STAG2: variants seen among roughly 807,000 people sequenced by gnomAD.
The protein encoded by STAG2 is cohesin subunit SA-2.
A neutral mutation model predicts 108.1 loss-of-function variants in STAG2; 14 were observed. The observed-to-expected ratio is 0.13, with a 90% CI of 0.09 to 0.20. The LOEUF is 0.20. Among genes scored for constraint, STAG2 ranks in the 10% least tolerant of loss-of-function variants. STAG2 has a pLI of 1.00. For synonymous variants in STAG2, 307 were observed against 302.7 expected (o/e 1.01, Z -0.15); for missense variants, 440 against 940.9 (o/e 0.47, Z 6.96).
chrX:124,054,547 A>G (rs1392690402), intron 13 of STAG2, among the ~76,000 whole-genome samples: 3 of 112,110 alleles, frequency 2.7e-5, no homozygotes, highest in African/African-American at 9.7e-5. Flanking sequence ...AGTATGCTAC[A>G]TATATTTCTA....
intron 1 of STAG2, among the ~76,000 whole-genome samples, chrX:123,979,952 A>G (rs1166700329): frequency 8.9e-6 from 1 of 111,991 alleles, no homozygotes; most frequent in African/African-American, 3.2e-5. Flanking sequence ...TATTTTAAAA[A>G]TGCATTGTGC....
At chrX:124,088,615 CTTTTTT>C (rs35629422) in intron 30 of STAG2, among the ~76,000 whole-genome samples, 1 of 82,264 alleles carries the variant, frequency 1.2e-5, no homozygotes, top group East Asian at 4.0e-4. Flanking sequence ...TATGTATAAT[CTTTTTT>C]TTTTTTTTTT....
intron 3 of STAG2, among the ~76,000 whole-genome samples, chrX:124,025,277 A>G (rs939453996): frequency 1.2e-4 from 14 of 112,092 alleles, no homozygotes; most frequent in Non-Finnish European, 2.4e-4. Flanking sequence ...GATATTGATC[A>G]CTTAGCATAA....
intron 1 of STAG2, among the ~76,000 whole-genome samples, chrX:124,009,279 G>C (rs942740960): frequency 9.1e-6 from 1 of 110,045 alleles, no homozygotes; most frequent in Non-Finnish European, 1.9e-5. Context: ...AGTCATCTTA[G>C]AGCTCAGATT....
intron 30 of STAG2, among the ~76,000 whole-genome samples, chrX:124,088,161 G>A (rs977497055): frequency 1.8e-5 from 2 of 110,412 alleles, no homozygotes; most frequent in African/African-American, 6.6e-5. Flanking sequence ...GTGTGTGCTG[G>A]GCCATCAAAT....
intron 1 of STAG2, among the ~76,000 whole-genome samples, chrX:123,986,055 A>G (rs1347183091): frequency 2.8e-5 from 3 of 105,924 alleles, no homozygotes; most frequent in African/African-American, 1.0e-4. Flanking sequence ...TATATATATC[A>G]TATATATGTG....
At chrX:124,058,632 T>C (rs1168430354) in intron 15 of STAG2, among the ~76,000 whole-genome samples, 1 of 112,326 alleles carries the variant, frequency 8.9e-6, no homozygotes, top group Admixed American at 9.4e-5. Context: ...GGGTAATAAA[T>C]TCTTAGTTAA....
At chrX:124,080,316 T>C (rs2058923561) in intron 27 of STAG2, among the ~76,000 whole-genome samples, 1 of 111,379 alleles carries the variant, frequency 9.0e-6, no homozygotes, top group South Asian at 3.8e-4. Flanking sequence ...TGTTCTCTGC[T>C]TCTATGAGTG....
chrX:124,016,030 G>T (rs1165910108), intron 1 of STAG2, among the ~76,000 whole-genome samples: 1 of 112,098 alleles, frequency 8.9e-6, no homozygotes, highest in Non-Finnish European at 1.9e-5. Context: ...GTAATTTTAT[G>T]ATAGAACTCA....
At chrX:124,003,247 G>A (rs1285872829) in intron 1 of STAG2, among the ~76,000 whole-genome samples, 4 of 110,194 alleles carry the variant, frequency 3.6e-5, no homozygotes, top group Non-Finnish European at 3.8e-5. Flanking sequence ...GATTACAGGC[G>A]TGAGCCACCG....
intron 24 of STAG2, among the ~76,000 whole-genome samples, chrX:124,070,722 A>G (rs1290574482): frequency 1.8e-5 from 2 of 111,576 alleles, no homozygotes; most frequent in African/African-American, 6.5e-5. Context: ...TTTCTTCTGT[A>G]GAGTGAAGAG....
In STAG2 at chrX:124,093,977, G is replaced by A. The variant is rs2059318739; in HGVS notation, c.3579-41G>A. The A allele has an allele frequency of 5.8e-6, 7 of 1,201,544 alleles. 1 individual carries two copies. The highest frequency in any genetic ancestry group is 7.9e-6 in the Non-Finnish European group (7 of 888,560). ...CTGCTGCCTAGATATTAATAGTCAC[G>A]ACATTAGTTCAGATCTTGACTTTGT... On this transcript the variant is annotated intron_variant, in intron 32 of 34. Coordinates refer to ENST00000371145, the MANE Select transcript of STAG2 (RefSeq NM_001042750.2).
chrX:123,984,666 A>C (rs1255038279), intron 1 of STAG2, among the ~76,000 whole-genome samples: 1 of 111,073 alleles, frequency 9.0e-6, no homozygotes, highest in Non-Finnish European at 1.9e-5. Context: ...TTTTTTTTTG[A>C]GGTGAGGTCT....
At chrX:124,028,906 A>G (rs986125179) in intron 4 of STAG2, among the ~76,000 whole-genome samples, 1 of 100,952 alleles carries the variant, frequency 9.9e-6, no homozygotes, top group African/African-American at 3.6e-5. Flanking sequence ...TCCCATCTCA[A>G]CCTCCGAAAG....
intron 1 of STAG2, among the ~76,000 whole-genome samples, chrX:123,995,548 G>A (rs1244001771): frequency 9.0e-6 from 1 of 110,646 alleles, no homozygotes; most frequent in Non-Finnish European, 1.9e-5. Flanking sequence ...CAAAAAATTA[G>A]CTGGGCATGG....
At chrX:124,088,621 T>C (rs760763223) in intron 30 of STAG2, among the ~76,000 whole-genome samples, 300 of 107,133 alleles carry the variant, frequency 2.8e-3, no homozygotes, top group African/African-American at 9.7e-3. Flanking sequence ...TAATCTTTTT[T>C]TTTTTTTTTT....
chrX:124,081,284 T>A, intron 27 of STAG2, 96 bp from the exon 28 acceptor site: 1 of 590,692 alleles, frequency 1.7e-6, no homozygotes, highest in Non-Finnish European at 2.5e-6. Context: ...GCCTCATTTA[T>A]TGAACACCTG....
intron 15 of STAG2, among the ~76,000 whole-genome samples, chrX:124,059,751 T>C (rs1471555834): frequency 1.8e-5 from 2 of 111,406 alleles, no homozygotes; most frequent in African/African-American, 6.5e-5. Flanking sequence ...GCCTTGAACT[T>C]GTGGGTTCAG....
chrX:124,093,885 C>A, intron 32 of STAG2, 133 bp from the exon 33 acceptor site: 1 of 657,200 alleles, frequency 1.5e-6, no homozygotes. Context: ...ATAATCAATG[C>A]CTAATCATTC....
Sources: allele counts gnomAD v4.1 joint callset (sites outside exome capture counted in the v4.1 genomes callset), GRCh38; gene constraint gnomAD v4.1.1; transcripts MANE v1.5; gene names NCBI Gene and HGNC (gene_info 2026-07-23, HGNC 2026-07-21).